The following PRRX2 variants were observed in gnomAD, a reference collection of about 807,000 sequenced individuals.
The protein encoded by PRRX2 is paired mesoderm homeobox protein 2.
PRRX2 carries 11 observed loss-of-function variants against 18.0 expected under a neutral mutation model. The ratio of observed to expected loss-of-function variants is 0.61; its 90% CI spans 0.39 to 1.01. The LOEUF (loss-of-function observed/expected upper bound fraction) is 1.01. PRRX2 is among the 50% of genes least tolerant of loss of function. The pLI is 0.01. For missense variants in PRRX2, 387 were observed against 351.0 expected (o/e 1.10, Z -0.82); for synonymous variants, 177 against 154.8 (o/e 1.14, Z -1.06).
At chr9:129,674,763 C>T (rs1210293988) in intron 1 of PRRX2, among the ~76,000 whole-genome samples, 1 of 152,172 alleles carries the variant, frequency 6.6e-6, no homozygotes, top group Non-Finnish European at 1.5e-5. Context: ...TTGCCCAGCT[C>T]TACAGCTTGA....
At chr9:129,684,482 T>TCACACACACA (rs71385454) in intron 1 of PRRX2, among the ~76,000 whole-genome samples, 20 of 43,236 alleles carry the variant, frequency 4.6e-4, no homozygotes, top group East Asian at 1.4e-3. Context: ...ATACCAGAAA[T>TCACACACACA]CACACACACA....
intron 1 of PRRX2, among the ~76,000 whole-genome samples, chr9:129,694,891 T>A (rs1314896622): frequency 2.0e-5 from 3 of 152,208 alleles, no homozygotes. Flanking sequence ...GAAGGCTTCA[T>A]GGCTGGGCCA....
chr9:129,691,668 CT>C (rs1290937098), intron 1 of PRRX2, among the ~76,000 whole-genome samples: 1 of 149,582 alleles, frequency 6.7e-6, no homozygotes, highest in Non-Finnish European at 1.5e-5. Context: ...ATTCTTTTCC[CT>C]TTTTAAATAT....
At chr9:129,684,520 A>C (rs962095726) in intron 1 of PRRX2, among the ~76,000 whole-genome samples, 5 of 41,358 alleles carry the variant, frequency 1.2e-4, no homozygotes, top group South Asian at 7.2e-4. Context: ...ACACACACAC[A>C]CACCCACACA....
At chr9:129,714,565 T>G (rs1588175398) in intron 1 of PRRX2, among the ~76,000 whole-genome samples, 1 of 152,138 alleles carries the variant, frequency 6.6e-6, no homozygotes, top group African/African-American at 2.4e-5. Flanking sequence ...GGCACGACCC[T>G]GGGCAGAGCT....
chr9:129,675,265 C>T lies in PRRX2; in HGVS notation c.259+9139C>T, dbSNP rs538203015. On this transcript the variant is annotated intron_variant, in intron 1 of 3. Coordinates refer to ENST00000372469, the MANE Select transcript of PRRX2 (RefSeq NM_016307.4). The surrounding 1 kb of genome is among the most constrained non-coding windows in gnomAD (Gnocchi z 4.4). ...GGGTCTAGGAGGAAGTATTTGCTCT[C>T]GACCATCCACCAGCATCCATTGAGC... is the stretch of plus-strand genomic sequence containing the variant. Among the ~76,000 whole-genome samples, 11 of 152,316 alleles carry T rather than the reference C, an allele frequency of 7.2e-5. No individual in the cohort carries two copies. The highest frequency in any genetic ancestry group is 3.4e-3 in the Middle Eastern group (1 of 294).
chr9:129,692,789 A>G (rs1013195345), intron 1 of PRRX2, among the ~76,000 whole-genome samples: 1 of 152,130 alleles, frequency 6.6e-6, no homozygotes, highest in African/African-American at 2.4e-5. Flanking sequence ...CAGTTTATCC[A>G]TTCACCTACT....
intron 1 of PRRX2, among the ~76,000 whole-genome samples, chr9:129,685,246 C>T (rs1465904371): frequency 6.6e-6 from 1 of 152,242 alleles, no homozygotes; most frequent in African/African-American, 2.4e-5. Context: ...AGCAGCATCC[C>T]CCTCACGTTA....
At chr9:129,668,176 G>A (rs1196008809) in intron 1 of PRRX2, among the ~76,000 whole-genome samples, 1 of 152,234 alleles carries the variant, frequency 6.6e-6, no homozygotes, top group East Asian at 1.9e-4. Flanking sequence ...GCAGGCGCCA[G>A]TTTCCAACTC....
At chr9:129,691,681 CT>C (rs57659621) in intron 1 of PRRX2, among the ~76,000 whole-genome samples, 24,459 of 141,300 alleles carry the variant, frequency 0.17, 2,718 homozygotes, top group East Asian at 0.37. Flanking sequence ...TTTAAATATA[CT>C]TTTTTTTTTT....
chr9:129,722,195 C>T, intron 3 of PRRX2, 22 bp from the exon 4 acceptor site: 3 of 1,610,188 alleles, frequency 1.9e-6, no homozygotes, highest in East Asian at 2.2e-5. Context: ...CCCATGTGAC[C>T]TGTGTCTCAT....
chr9:129,669,663 A>C (rs1168553673), intron 1 of PRRX2, among the ~76,000 whole-genome samples: 1 of 152,082 alleles, frequency 6.6e-6, no homozygotes, highest in Non-Finnish European at 1.5e-5. Flanking sequence ...GCTTGCATCT[A>C]AGGCACGGGG....
intron 1 of PRRX2, among the ~76,000 whole-genome samples, chr9:129,718,942 C>T (rs1832749457): frequency 6.6e-6 from 1 of 152,112 alleles, no homozygotes; most frequent in Non-Finnish European, 1.5e-5. Context: ...GGTCCCATCT[C>T]AGTTGGCTCA....
intron 1 of PRRX2, among the ~76,000 whole-genome samples, chr9:129,680,047 A>T (rs968166922): frequency 3.0e-4 from 46 of 152,150 alleles, no homozygotes; most frequent in African/African-American, 1.1e-3. Context: ...AGAGGAGTCG[A>T]TAAGACCAGG....
intron 1 of PRRX2, among the ~76,000 whole-genome samples, chr9:129,701,193 G>T (rs973115886): frequency 3.3e-5 from 5 of 152,266 alleles, no homozygotes; most frequent in African/African-American, 4.8e-5. Flanking sequence ...ACGTGAGGAA[G>T]AAGATAGGAA....
In PRRX2 at chr9:129,665,895, C is replaced by A; in HGVS notation, c.28C>A (p.Leu10Met). 9.1e-7 allele frequency: 1 copy of A among 1,096,134 alleles called. No individual in the cohort carries two copies. Among genetic ancestry groups the A allele is most frequent in the South Asian group, 3.2e-5 (1 of 31,552 alleles). 67.9% of individuals were successfully genotyped at this position (1,096,134 alleles called of 1,614,324 possible). ...GGACAGCGCGGCCGCCGCCTTCGCCCTGGACAAGCCGGCGCTGGGCCCGGG... is the reference window on the plus strand; with the variant it reads ...GGACAGCGCGGCCGCCGCCTTCGCCATGGACAAGCCGGCGCTGGGCCCGGG... MDSAAAAFA[L>M]DKPALGPGPP... The change falls in exon 1 of 4, where the codon CTG becomes ATG. Residue 10 changes from leucine (L) to methionine (M), a missense_variant. Leu to Met is a conservative substitution (Grantham distance 15). Coordinates refer to ENST00000372469, the MANE Select transcript of PRRX2 (RefSeq NM_016307.4). This position sits in a 1 kb window ranked among gnomAD's most constrained non-coding sequence, Gnocchi z 5.3.
chr9:129,677,958 CTTTTTTTTT>C (rs760645440), intron 1 of PRRX2, among the ~76,000 whole-genome samples: 1 of 113,116 alleles, frequency 8.8e-6, no homozygotes, highest in Non-Finnish European at 1.7e-5. Context: ...TTCTTTCTTT[CTTTTTTTTT>C]TTTTTTTTTT....
chr9:129,698,257 C>CGGGGGGGGG (rs56233939), intron 1 of PRRX2, among the ~76,000 whole-genome samples: 1 of 20,600 alleles, frequency 4.9e-5, no homozygotes, highest in Non-Finnish European at 1.1e-4. Flanking sequence ...TTGGATGGGG[C>CGGGGGGGGG]GGGGGGGGGG....
intron 1 of PRRX2, among the ~76,000 whole-genome samples, chr9:129,694,003 A>G (rs10988480): frequency 0.27 from 41,116 of 151,962 alleles, 8,138 homozygotes; most frequent in African/African-American, 0.56. Context: ...GGTTTTTCTG[A>G]AGCTCTTCCT....
Sources: gnomAD v4.1 joint callset for allele counts (sites outside exome capture counted in the v4.1 genomes callset) on GRCh38, gnomAD v4.1.1 for gene constraint, Gnocchi (gnomAD v3.1) non-coding constraint, MANE v1.5 for transcripts, NCBI Gene and HGNC (gene_info 2026-07-23, HGNC 2026-07-21) for gene names.